The following DNAAF9 variants were observed in gnomAD, a reference collection of about 807,000 sequenced individuals.
DNAAF9 encodes the protein shulin.
A neutral mutation model predicts 167.0 loss-of-function variants in DNAAF9; 90 were observed. The ratio of observed to expected loss-of-function variants is 0.54; its 90% confidence interval spans 0.45 to 0.64. The LOEUF is 0.64. Ranked by LOEUF, DNAAF9 falls within the 30% of genes least tolerant of loss-of-function variation. The pLI is 0.00. For missense variants in DNAAF9, 1,315 were observed against 1,442.2 expected (o/e 0.91, Z 1.43); for synonymous variants, 491 against 508.8 (o/e 0.96, Z 0.47).
intron 13 of DNAAF9, among the ~76,000 whole-genome samples, chr20:3,325,444 G>A (rs2069693609): frequency 6.6e-6 from 1 of 152,222 alleles, no homozygotes; most frequent in African/African-American, 2.4e-5. Context: ...CACTGCTTTG[G>A]ATAAGCCTTC....
chr20:3,322,150 C>T, intron 16 of DNAAF9, 67 bp downstream of exon 16: 2 of 1,226,330 alleles, frequency 1.6e-6, no homozygotes, highest in Admixed American at 3.7e-5. Flanking sequence ...CCACTCCCAC[C>T]TCCCAACTTA....
intron 10 of DNAAF9, among the ~76,000 whole-genome samples, chr20:3,335,052 T>C (rs117571718): frequency 6.6e-6 from 1 of 152,244 alleles, no homozygotes; most frequent in Non-Finnish European, 1.5e-5. Flanking sequence ...AGAGCAGAAA[T>C]TGCTTTTATA....
chr20:3,336,263 T>TTTTTTTTTG (rs1555793462), intron 10 of DNAAF9, among the ~76,000 whole-genome samples: 3 of 135,606 alleles, frequency 2.2e-5, no homozygotes, highest in Non-Finnish European at 4.7e-5. Flanking sequence ...TTTTTGTTTT[T>TTTTTTTTTG]TTTTTTTTTT....
intron 24 of DNAAF9, 121 bp downstream of exon 24, chr20:3,294,407 G>A (rs886851361): frequency 1.9e-5 from 15 of 803,466 alleles, no homozygotes; most frequent in Middle Eastern, 4.7e-4. Context: ...GTGTTACTGC[G>A]ACATTTTACA....
intron 1 of DNAAF9, among the ~76,000 whole-genome samples, chr20:3,406,322 T>A (rs920407784): frequency 5.3e-5 from 8 of 152,148 alleles, no homozygotes; most frequent in African/African-American, 1.9e-4. Flanking sequence ...AGAAAACTGT[T>A]TTAACATGTA....
In DNAAF9 at chr20:3,338,048, T is replaced by G. The variant is rs546336839; in HGVS notation, c.981+2456A>C. On this transcript the variant is annotated intron_variant, in intron 10 of 36. Coordinates refer to ENST00000252032, the MANE Select transcript of DNAAF9 (RefSeq NM_001009984.3). ...TTATATATAATTAAAATATATAATA[T>G]ATGCACACATACATAGTGTATATAT... is the stretch of plus-strand genomic sequence containing the variant. 2.7e-5 allele frequency among the ~76,000 whole-genome samples: 4 copies of G among 148,486 alleles called. No individual in the cohort carries two copies. The Admixed American group carries it at 2.7e-4, about 10-fold the overall frequency.
At chr20:3,371,109 G>A (rs914424830) in intron 6 of DNAAF9, among the ~76,000 whole-genome samples, 3 of 151,796 alleles carry the variant, frequency 2.0e-5, no homozygotes, top group Non-Finnish European at 2.9e-5. Flanking sequence ...CTTTTCAAGT[G>A]TGTCAACTGA....
chr20:3,340,435 C>CCCT lies in DNAAF9; in HGVS notation c.981+68_981+69insAGG. On this transcript the variant is annotated intron_variant, in intron 10 of 36. Transcript: ENST00000252032. ...GGAAAAGGTTCTTTTTGTCTAGCTCCCCCCACCCACCCCACCCCCACAACT... is the reference window on the plus strand; with the variant it reads ...GGAAAAGGTTCTTTTTGTCTAGCTCCCCTCCCCACCCACCCCACCCCCACAACT... The CCCT allele has an allele frequency of 5.7e-5, 12 of 212,124 alleles. 3 individuals are homozygous for CCCT. The highest frequency in any genetic ancestry group is 2.7e-4 in the South Asian group (4 of 14,988). 13.1% of individuals were successfully genotyped at this position (212,124 alleles called of 1,614,324 possible). A position where few individuals can be genotyped will look rare whatever the true frequency, so the allele number is the denominator to read the frequency against.
At chr20:3,305,992 C>A (rs1319260118) in intron 20 of DNAAF9, among the ~76,000 whole-genome samples, 3 of 152,174 alleles carry the variant, frequency 2.0e-5, no homozygotes, top group African/African-American at 4.8e-5. Flanking sequence ...CATGCTGCTC[C>A]CAGGCCAGTC....
intron 25 of DNAAF9, among the ~76,000 whole-genome samples, chr20:3,293,292 CAAAAAAAA>C (rs1172725572): frequency 1.7e-4 from 4 of 22,862 alleles, no homozygotes; most frequent in Admixed American, 7.4e-4. Flanking sequence ...GACTCCGTCT[CAAAAAAAA>C]AAAAAAAAAA....
chr20:3,291,774 T>C (rs1392532009), intron 25 of DNAAF9, among the ~76,000 whole-genome samples: 3 of 152,084 alleles, frequency 2.0e-5, no homozygotes, highest in Non-Finnish European at 4.4e-5. Flanking sequence ...CGGCCGTAAA[T>C]CCCTCTTCTT....
intron 12 of DNAAF9, among the ~76,000 whole-genome samples, chr20:3,326,667 C>T (rs967262158): frequency 6.6e-6 from 1 of 151,486 alleles, no homozygotes; most frequent in African/African-American, 2.4e-5. Flanking sequence ...ATCACTTGAG[C>T]CTGGGAGGCA....
At chr20:3,287,291 C>A (rs2122888541) in intron 27 of DNAAF9, among the ~76,000 whole-genome samples, 1 of 152,318 alleles carries the variant, frequency 6.6e-6, no homozygotes, top group South Asian at 2.1e-4. Flanking sequence ...AGAGGGAGGA[C>A]TGAAACAGAT....
chr20:3,354,656 C>T (rs1232352593), intron 7 of DNAAF9, among the ~76,000 whole-genome samples: 2 of 152,226 alleles, frequency 1.3e-5, no homozygotes, highest in Non-Finnish European at 2.9e-5. Context: ...CCACCTTCTC[C>T]CCTTTCTGGA....
intron 27 of DNAAF9, among the ~76,000 whole-genome samples, chr20:3,285,410 G>A (rs1288032106): frequency 1.3e-5 from 2 of 152,052 alleles, no homozygotes; most frequent in Admixed American, 6.6e-5. Context: ...TGGGCGCGGT[G>A]GCTCACACCT....
At chr20:3,322,141 C>A in intron 16 of DNAAF9, 76 bp downstream of exon 16, 1 of 1,069,270 alleles carries the variant, frequency 9.4e-7, no homozygotes, top group South Asian at 1.3e-5. Flanking sequence ...GACCCCCACC[C>A]ACTCCCACCT....
At chr20:3,316,637 G>C in intron 18 of DNAAF9, 86 bp downstream of exon 18, 1 of 902,072 alleles carries the variant, frequency 1.1e-6, no homozygotes, top group East Asian at 2.5e-5. Context: ...CATCCCACCA[G>C]GGGCCCAACA....
At chr20:3,260,333 A>G (rs2068361041) in intron 31 of DNAAF9, among the ~76,000 whole-genome samples, 1 of 152,116 alleles carries the variant, frequency 6.6e-6, no homozygotes, top group Non-Finnish European at 1.5e-5. Flanking sequence ...GCGACAGAGC[A>G]AGACTCCGTC....
At chr20:3,347,517 G>A (rs1160613371) in intron 8 of DNAAF9, among the ~76,000 whole-genome samples, 4 of 152,138 alleles carry the variant, frequency 2.6e-5, no homozygotes, top group Admixed American at 2.6e-4. Context: ...TAGCCAAAAG[G>A]CTGAGAAGCG....
Sources: allele counts gnomAD v4.1 joint callset (sites outside exome capture counted in the v4.1 genomes callset), GRCh38; gene constraint gnomAD v4.1.1; transcripts MANE v1.5; gene names NCBI Gene and HGNC (gene_info 2026-07-23, HGNC 2026-07-21).